The following HS3ST3B1 variants were observed in gnomAD, a reference collection of about 807,000 sequenced individuals.
The protein encoded by HS3ST3B1 is heparan sulfate-glucosamine 3-sulfotransferase 3B1, also known as heparan sulfate glucosamine 3-O-sulfotransferase 3B1.
Under a neutral mutation model 21.3 loss-of-function variants are expected in HS3ST3B1, and 13 were observed. The observed-to-expected ratio is 0.61, with a 90% CI of 0.40 to 0.97. HS3ST3B1 has a LOEUF of 0.97. Ranked by LOEUF, HS3ST3B1 falls within the 50% of genes least tolerant of loss-of-function variation. HS3ST3B1 has a pLI of 0.00. For synonymous variants in HS3ST3B1, 234 were observed against 254.8 expected (o/e 0.92, Z 0.78); for missense variants, 459 against 554.8 (o/e 0.83, Z 1.73).
Position 14,338,123 on chromosome 17 carries a change from A to G in HS3ST3B1, c.555-6905A>G, listed in dbSNP as rs113663527. On this transcript the variant is annotated intron_variant, in intron 1 of 1. Coordinates refer to ENST00000360954, the MANE Select transcript of HS3ST3B1 (RefSeq NM_006041.3). ...CCAGGGATGGAACTGAGTGCCACAG[A>G]GGTGGCGTATACCATTTGTTTTAGA... Among the ~76,000 whole-genome samples, 8 of 151,902 alleles carry G rather than the reference A, an allele frequency of 5.3e-5. 1 individual carries two copies. Among genetic ancestry groups the G allele is most frequent in the African/African-American group, 1.9e-4 (8 of 41,194 alleles).
intron 1 of HS3ST3B1, among the ~76,000 whole-genome samples, chr17:14,325,031 T>G (rs1263069198): frequency 6.6e-6 from 1 of 152,224 alleles, no homozygotes; most frequent in Admixed American, 6.5e-5. Context: ...GTACCCCAAA[T>G]GACTATGGAC....
chr17:14,317,465 G>A (rs1451379173), intron 1 of HS3ST3B1, among the ~76,000 whole-genome samples: 1 of 152,200 alleles, frequency 6.6e-6, no homozygotes, highest in Non-Finnish European at 1.5e-5. Flanking sequence ...CATGGTGAGA[G>A]GTGTATAGAA....
chr17:14,343,752 T>C (rs1422195369), intron 1 of HS3ST3B1, among the ~76,000 whole-genome samples: 3 of 152,226 alleles, frequency 2.0e-5, no homozygotes, highest in Non-Finnish European at 4.4e-5. Flanking sequence ...GACACTTAAG[T>C]TGCTTCCATA....
rs1185868179 is a variant in HS3ST3B1, at chr17:14,349,185, T to A, written c.*3539T>A. 1 of 152,200 alleles carries A rather than the reference T, an allele frequency of 6.6e-6. No individual in the cohort carries two copies. The allele number at this position is 152,200 out of a possible 1,614,324, so 9.4% of individuals were successfully genotyped here. On this transcript the variant is annotated 3_prime_UTR_variant, in exon 2 of 2. Coordinates refer to ENST00000360954, the MANE Select transcript of HS3ST3B1 (RefSeq NM_006041.3). ...TGTGACATTAATTTATCACTGAGTCTCATTCAACCAAGTAATCTAAAATAC... is the reference window on the plus strand; with the variant it reads ...TGTGACATTAATTTATCACTGAGTCACATTCAACCAAGTAATCTAAAATAC...
intron 1 of HS3ST3B1, among the ~76,000 whole-genome samples, chr17:14,325,759 A>G (rs1213041225): frequency 2.0e-5 from 3 of 152,198 alleles, no homozygotes; most frequent in Non-Finnish European, 4.4e-5. Flanking sequence ...CCTGTTTAAG[A>G]TACGCTGCTG....
At chr17:14,337,624 ATT>A (rs1567643466) in intron 1 of HS3ST3B1, among the ~76,000 whole-genome samples, 42 of 151,510 alleles carry the variant, frequency 2.8e-4, no homozygotes, top group African/African-American at 9.0e-4. Flanking sequence ...GGTGTGAGCC[ATT>A]GCACCTGACC....
chr17:14,326,968 G>A (rs1909840057), intron 1 of HS3ST3B1, among the ~76,000 whole-genome samples: 1 of 149,048 alleles, frequency 6.7e-6, no homozygotes, highest in South Asian at 2.1e-4. Flanking sequence ...AGAAGCTTCA[G>A]TTGTCCCGAG....
chr17:14,343,102 T>C (rs1597604431), intron 1 of HS3ST3B1, among the ~76,000 whole-genome samples: 1 of 151,552 alleles, frequency 6.6e-6, no homozygotes, highest in Non-Finnish European at 1.5e-5. Flanking sequence ...ATTAGCCAGG[T>C]GTGGTGGTGG....
chr17:14,330,689 A>T (rs560421660), intron 1 of HS3ST3B1, among the ~76,000 whole-genome samples: 1 of 152,002 alleles, frequency 6.6e-6, no homozygotes, highest in East Asian at 1.9e-4. Flanking sequence ...AAACATTTAC[A>T]CTGTGCTACC....
intron 1 of HS3ST3B1, 83 bp downstream of exon 1, chr17:14,302,155 G>T: frequency 3.4e-6 from 5 of 1,465,024 alleles, no homozygotes; most frequent in South Asian, 1.3e-5. Context: ...ATAGGGAATT[G>T]GCAGGGTTAC....
At chr17:14,306,553 AC>A (rs1411108147) in intron 1 of HS3ST3B1, among the ~76,000 whole-genome samples, 7 of 152,212 alleles carry the variant, frequency 4.6e-5, no homozygotes, top group African/African-American at 1.7e-4. Flanking sequence ...AACATAGAAA[AC>A]CCTGTAACTT....
At position 14,301,649 on chromosome 17, in the gene HS3ST3B1, T is replaced by C. The variant is rs756740170; in HGVS notation, c.131T>C (p.Leu44Pro). ...CTCTTCGCCATGCTCTGCGTCTGGC[T>C]CTATATGTTCCTGTACTCGTGCGCC... ...ALLFAMLCVW[L>P]YMFLYSCAGS... Residue 44 changes from leucine (L) to proline (P), a missense_variant, in exon 1 of 2, where the codon CTC (leucine) becomes CCC (proline). By Grantham distance (98) the Leu-to-Pro change is moderately conservative. Coordinates refer to ENST00000360954, the MANE Select transcript of HS3ST3B1 (RefSeq NM_006041.3). 1.6e-5 allele frequency: 25 copies of C among 1,608,022 alleles called. 1 individual carries two copies. In the South Asian group the frequency reaches 2.8e-4, roughly 18 times the overall value.
intron 1 of HS3ST3B1, among the ~76,000 whole-genome samples, chr17:14,330,049 G>T (rs1398839049): frequency 6.6e-6 from 1 of 152,220 alleles, no homozygotes; most frequent in East Asian, 1.9e-4. Flanking sequence ...ATGGCACAGA[G>T]ACGTTGTGCA....
At chr17:14,344,452 A>AT (rs35997063) in intron 1 of HS3ST3B1, among the ~76,000 whole-genome samples, 4 of 152,012 alleles carry the variant, frequency 2.6e-5, no homozygotes, top group Admixed American at 2.0e-4. Flanking sequence ...ATTTCACTGG[A>AT]TTTTTTGGCT....
chr17:14,340,364 T>TC, intron 1 of HS3ST3B1, among the ~76,000 whole-genome samples: 1 of 152,028 alleles, frequency 6.6e-6, no homozygotes, highest in Admixed American at 6.5e-5. Flanking sequence ...TAGCCAGAAT[T>TC]CCCCTTACCC....
At chr17:14,331,400 C>G (rs187177759) in intron 1 of HS3ST3B1, among the ~76,000 whole-genome samples, 79 of 152,178 alleles carry the variant, frequency 5.2e-4, no homozygotes, top group African/African-American at 1.8e-3. Flanking sequence ...TTGAGTTGAC[C>G]CAGAGAAGCG....
chr17:14,303,341 G>A lies in HS3ST3B1; in HGVS notation c.554+1269G>A, dbSNP rs903073212. 2.0e-5 allele frequency among the ~76,000 whole-genome samples: 3 copies of A among 152,184 alleles called. No individual in the cohort carries two copies. In the East Asian group the frequency reaches 5.8e-4, roughly 29 times the overall value. On this transcript the variant is annotated intron_variant, in intron 1 of 1. Coordinates refer to ENST00000360954, the MANE Select transcript of HS3ST3B1 (RefSeq NM_006041.3). The surrounding 1 kb of genome is among the most constrained non-coding windows in gnomAD (Gnocchi z 5.7). The stretch of plus-strand genomic sequence containing the variant: ...CCCACTGTCGGGACCTGGGTGGGTT[G>A]GAGAATAAAAGAGGGCTGACCCCGC...
intron 1 of HS3ST3B1, among the ~76,000 whole-genome samples, chr17:14,310,144 G>T (rs1035463727): frequency 3.9e-5 from 6 of 152,260 alleles, no homozygotes; most frequent in East Asian, 3.9e-4. Flanking sequence ...GAGAAAGTGG[G>T]AAGGACTGGG....
chr17:14,332,078 C>T (rs1597598855), intron 1 of HS3ST3B1, among the ~76,000 whole-genome samples: 2 of 152,244 alleles, frequency 1.3e-5, no homozygotes, highest in East Asian at 3.9e-4. Context: ...ACTTCCTTTT[C>T]GCATCCCTGG....
Sources: allele counts gnomAD v4.1 joint callset (sites outside exome capture counted in the v4.1 genomes callset), GRCh38; gene constraint gnomAD v4.1.1; non-coding constraint Gnocchi (gnomAD v3.1); transcripts MANE v1.5; gene names NCBI Gene and HGNC (gene_info 2026-07-23, HGNC 2026-07-21).